The following CNTNAP2 variants were observed in gnomAD, a reference collection of about 807,000 sequenced individuals.
CNTNAP2 encodes the protein contactin-associated protein-like 2.
Under a neutral mutation model 155.2 loss-of-function variants are expected in CNTNAP2, and 98 were observed. The ratio of observed to expected loss-of-function variants is 0.63; its 90% CI spans 0.54 to 0.75. The LOEUF is 0.75. CNTNAP2 is among the 30% of genes least tolerant of loss of function. The pLI is 0.00. For missense variants in CNTNAP2, 1,727 were observed against 1,688.1 expected, an observed-to-expected ratio of 1.02 and a Z score of -0.40; for synonymous variants, 651 against 631.2, an observed-to-expected ratio of 1.03 and a Z score of -0.47.
intron 15 of CNTNAP2, among the ~76,000 whole-genome samples, chr7:148,114,721 A>C (rs1164215100): frequency 1.3e-5 from 2 of 152,242 alleles, no homozygotes; most frequent in Non-Finnish European, 2.9e-5. Context: ...GAAAGCCTGT[A>C]AGTCCACATC....
At chr7:146,396,559 T>G (rs942136059) in intron 1 of CNTNAP2, among the ~76,000 whole-genome samples, 12 of 149,738 alleles carry the variant, frequency 8.0e-5, no homozygotes, top group African/African-American at 3.0e-4. Context: ...GTGTCAACAA[T>G]GAAGTCAGTT....
intron 13 of CNTNAP2, among the ~76,000 whole-genome samples, chr7:147,681,822 C>T (rs1051549662): frequency 2.6e-5 from 4 of 151,652 alleles, no homozygotes; most frequent in African/African-American, 9.7e-5. Context: ...AGACTACATT[C>T]ATGTAAATTT....
At chr7:146,226,368 T>A (rs983949767) in intron 1 of CNTNAP2, among the ~76,000 whole-genome samples, 1 of 152,084 alleles carries the variant, frequency 6.6e-6, no homozygotes, top group East Asian at 1.9e-4. Context: ...TTAAAAAAAA[T>A]TATCCTAGGG....
intron 13 of CNTNAP2, among the ~76,000 whole-genome samples, chr7:147,838,462 T>G (rs1399143860): frequency 6.6e-6 from 1 of 152,204 alleles, no homozygotes; most frequent in East Asian, 1.9e-4. Context: ...CTGATTCTCT[T>G]TTTAAACTGA....
Position 148,074,125 on chromosome 7 carries a change from C to T in CNTNAP2, c.2384-43993C>T, listed in dbSNP as rs566529058. On this transcript the variant is annotated intron_variant, in intron 15 of 23. Transcript: ENST00000361727. ...CCAAGTTAATAACCACTGAAGAAAT[C>T]CTAGGCTTAAGAGAGCCCGTTATTG... Among the ~76,000 whole-genome samples the T allele has an allele frequency of 1.8e-4, 28 of 152,296 alleles. No homozygotes were observed. The South Asian group carries it at 5.8e-3, about 32-fold the overall frequency.
intron 13 of CNTNAP2, among the ~76,000 whole-genome samples, chr7:147,743,869 A>G (rs748402424): frequency 9.2e-5 from 14 of 151,888 alleles, no homozygotes; most frequent in Non-Finnish European, 1.8e-4. Flanking sequence ...GGTGATGGCT[A>G]CTGTGGAGTG....
intron 18 of CNTNAP2, among the ~76,000 whole-genome samples, chr7:148,182,037 G>A (rs1367784372): frequency 9.2e-5 from 14 of 152,030 alleles, no homozygotes; most frequent in African/African-American, 2.2e-4. Context: ...GATTACAGGC[G>A]TGAGCCACCG....
chr7:147,777,329 T>C (rs1322380499), intron 13 of CNTNAP2, among the ~76,000 whole-genome samples: 4 of 152,322 alleles, frequency 2.6e-5, no homozygotes, highest in Admixed American at 6.5e-5. Context: ...CTTGTCCTTA[T>C]ATGGAAATTA....
At chr7:147,912,653 C>A in intron 14 of CNTNAP2, among the ~76,000 whole-genome samples, 1 of 152,182 alleles carries the variant, frequency 6.6e-6, no homozygotes, top group East Asian at 1.9e-4. Flanking sequence ...GAGACCCTGC[C>A]AAGCTCCCAG....
At chr7:148,269,552 A>G (rs539216671) in intron 21 of CNTNAP2, among the ~76,000 whole-genome samples, 1 of 152,336 alleles carries the variant, frequency 6.6e-6, no homozygotes, top group East Asian at 1.9e-4. Flanking sequence ...TGCAGATGAG[A>G]AAACTGAAGC....
At chr7:146,417,585 G>A (rs1795955830) in intron 1 of CNTNAP2, among the ~76,000 whole-genome samples, 2 of 151,982 alleles carry the variant, frequency 1.3e-5, no homozygotes, top group South Asian at 4.2e-4. Flanking sequence ...TTCTTTTTTT[G>A]TGGCTATTAG....
At chr7:146,288,950 G>A (rs1800384501) in intron 1 of CNTNAP2, among the ~76,000 whole-genome samples, 1 of 151,430 alleles carries the variant, frequency 6.6e-6, no homozygotes, top group African/African-American at 2.4e-5. Flanking sequence ...GATTATTGGT[G>A]CGCACCACCA....
intron 20 of CNTNAP2, among the ~76,000 whole-genome samples, chr7:148,257,731 C>T (rs1444641562): frequency 3.3e-5 from 5 of 152,110 alleles, no homozygotes; most frequent in South Asian, 2.1e-4. Flanking sequence ...CATGAAAATT[C>T]GGAGTCCCAG....
chr7:147,679,792 A>G (rs1162578840), intron 13 of CNTNAP2, among the ~76,000 whole-genome samples: 1 of 151,938 alleles, frequency 6.6e-6, no homozygotes, highest in African/African-American at 2.4e-5. Context: ...AGTTGATTTA[A>G]GAAGTCTAGT....
chr7:147,486,465 C>T (rs1411078526), intron 11 of CNTNAP2, among the ~76,000 whole-genome samples: 1 of 152,106 alleles, frequency 6.6e-6, no homozygotes, highest in Non-Finnish European at 1.5e-5. Context: ...TGGATGATGG[C>T]TGCCTCATGC....
chr7:147,706,379 T>C (rs1796317183), intron 13 of CNTNAP2, among the ~76,000 whole-genome samples: 1 of 152,130 alleles, frequency 6.6e-6, no homozygotes, highest in African/African-American at 2.4e-5. Context: ...CCTTCATTTA[T>C]GAATGACAAC....
chr7:147,257,202 A>G (rs890578792), intron 8 of CNTNAP2, among the ~76,000 whole-genome samples: 4 of 152,178 alleles, frequency 2.6e-5, no homozygotes, highest in African/African-American at 9.6e-5. Flanking sequence ...TGTAGAAGTG[A>G]GCTAGGGCAA....
intron 9 of CNTNAP2, among the ~76,000 whole-genome samples, chr7:147,390,143 A>C (rs700305): frequency 0.78 from 118,905 of 152,098 alleles, 47,240 homozygotes; most frequent in African/African-American, 0.93. Context: ...GGGAGTTAAA[A>C]CAGCAGGAGG....
intron 1 of CNTNAP2, among the ~76,000 whole-genome samples, chr7:146,556,265 A>T (rs1798196994): frequency 6.6e-6 from 1 of 152,174 alleles, no homozygotes; most frequent in Admixed American, 6.5e-5. Flanking sequence ...GAGGGCAGCA[A>T]AACACCACAG....
Sources: gnomAD v4.1 joint callset for allele counts (sites outside exome capture counted in the v4.1 genomes callset) on GRCh38, gnomAD v4.1.1 for gene constraint, MANE v1.5 for transcripts, NCBI Gene and HGNC (gene_info 2026-07-23, HGNC 2026-07-21) for gene names.